UTP25: variants seen among roughly 807,000 people sequenced by gnomAD.
UTP25 encodes the protein U3 small nucleolar RNA-associated protein 25 homolog.
UTP25 carries 50 observed loss-of-function variants against 78.9 expected under a neutral mutation model. The ratio of observed to expected loss-of-function variants is 0.63; its 90% CI spans 0.50 to 0.80. The LOEUF is 0.80. UTP25 is among the 30% of genes least tolerant of loss of function. The pLI is 0.00. For synonymous variants in UTP25, 329 were observed against 336.5 expected, an observed-to-expected ratio of 0.98 and a Z score of 0.24; for missense variants, 846 against 911.3, an observed-to-expected ratio of 0.93 and a Z score of 0.92.
rs1209652216 is a variant in UTP25 at position 209,839,034 on chromosome 1, T to C, written c.1188T>C (p.Tyr396=). Residue 396 remains tyrosine, a synonymous_variant, in exon 7 of 12, where the codon TAT becomes TAC. Coordinates refer to ENST00000491415, the MANE Select transcript of UTP25 (RefSeq NM_014388.7). ...VSNKKRFQGE[Y]GSDPEERPPN... ...ACAAAAAGAGGTTTCAGGGAGAATA[T>C]GGATCAGATCCCGAGGAGAGACCAC... The C allele has an allele frequency of 3.7e-6, 6 of 1,613,968 alleles. No homozygotes were observed. The highest frequency in any genetic ancestry group is 5.1e-6 in the Non-Finnish European group (6 of 1,179,990).
chr1:209,833,488 G>C, intron 4 of UTP25, 130 bp downstream of exon 4: 1 of 770,540 alleles, frequency 1.3e-6, no homozygotes. Context: ...CTAGAGCTGG[G>C]AAAAATAATT....
intron 3 of UTP25, among the ~76,000 whole-genome samples, chr1:209,832,481 C>G (rs1037194576): frequency 1.3e-5 from 2 of 152,190 alleles, no homozygotes; most frequent in African/African-American, 4.8e-5. Context: ...AACATCCTCT[C>G]ATGTACATCT....
At position 209,835,178 on chromosome 1, in the gene UTP25, G is replaced by A. The variant is rs774035676; in HGVS notation, c.651+15G>A. ...ACGAGCTTAAAGTAAGTGTTGCTTG[G>A]TCATCCCGGTCACAAATAGAGAAAG... On this transcript the variant is annotated intron_variant, in intron 5 of 11. Transcript: ENST00000491415. The A allele has an allele frequency of 6.8e-6, 11 of 1,607,200 alleles. No homozygotes were observed. Among genetic ancestry groups the A allele is most frequent in the African/African-American group, 1.3e-5 (1 of 74,740 alleles).
chr1:209,841,104 G>A (rs141456495), intron 8 of UTP25, 49 bp downstream of exon 8: 1 of 1,592,520 alleles, frequency 6.3e-7, no homozygotes, highest in Non-Finnish European at 8.6e-7. Flanking sequence ...TATTTAGAGG[G>A]ATAAGACACC....
In UTP25 at chr1:209,851,433, A is replaced by T; in HGVS notation, c.2257A>T (p.Thr753Ser). The change falls in exon 12 of 12, where the codon ACT (threonine) becomes TCT (serine). Residue 753 changes from threonine to serine, a missense_variant. Transcript: ENST00000491415. ...CAACAAGAATGTCCACCTCTTCATT[A>T]CTGGAGAAAAATGAAATTTTGTTGG... ...QSNKNVHLFITGEK is the reference protein window; with the variant it reads ...QSNKNVHLFISGEK 1 of 1,603,646 alleles carries T rather than the reference A, an allele frequency of 6.2e-7. No homozygotes were observed. The highest frequency in any genetic ancestry group is 8.5e-7 in the Non-Finnish European group (1 of 1,175,068).
At chr1:209,849,588 T>C (rs1162917636) in intron 11 of UTP25, among the ~76,000 whole-genome samples, 1 of 152,132 alleles carries the variant, frequency 6.6e-6, no homozygotes, top group Non-Finnish European at 1.5e-5. Flanking sequence ...ATAATGGGCC[T>C]GGGAAGTAGG....
At position 209,830,991 on chromosome 1, in the gene UTP25, C is replaced by T. The variant is rs375677317; in HGVS notation, c.336C>T (p.Ser112=). 372 of 1,613,882 alleles carry T rather than the reference C, an allele frequency of 2.3e-4. 1 individual carries two copies. Among genetic ancestry groups the T allele is most frequent in the Non-Finnish European group, 2.9e-4 (346 of 1,179,972 alleles). ...AAATGAACGATGAAGATGGTGGTAG[C>T]GATGTCAGTGTGGAAGAAGAGATGG... ...DAEMNDEDGG[S]DVSVEEEMAA... Residue 112 remains serine, a synonymous_variant, in exon 3 of 12, where the codon AGC becomes AGT. Transcript: ENST00000491415.
Position 209,830,952 on chromosome 1 carries a change from T to C in UTP25, c.297T>C (p.Ile99=). The C allele has an allele frequency of 1.2e-6, 2 of 1,613,872 alleles. No individual in the cohort carries two copies. Among genetic ancestry groups the C allele is most frequent in the Non-Finnish European group, 1.7e-6 (2 of 1,179,786 alleles). ...AGGAGGAAGAGGAAGAAGACAGTAT[T>C]GTAGATGATGCAGAAATGAACGATG... is the stretch of plus-strand genomic sequence containing the variant. ...DEEEEEEEDS[I]VDDAEMNDED... is the part of the protein sequence containing the mutation. Residue 99 remains isoleucine (I), a synonymous_variant, in exon 3 of 12, where the codon ATT becomes ATC. Coordinates refer to ENST00000491415, the MANE Select transcript of UTP25 (RefSeq NM_014388.7).
Position 209,839,139 on chromosome 1 carries a change from C to G in UTP25, c.1282+11C>G, listed in dbSNP as rs2078152253. The stretch of plus-strand genomic sequence containing the variant: ...ACCACTTCAGGATTGGTAATTCTTC[C>G]TTATCAACTTTGAGACCTAAAGTGT... On this transcript the variant is annotated intron_variant, in intron 7 of 11. Transcript: ENST00000491415. The G allele has an allele frequency of 6.3e-7, 1 of 1,593,652 alleles. No individual in the cohort carries two copies. Among genetic ancestry groups the G allele is most frequent in the South Asian group, 1.1e-5 (1 of 88,856 alleles).
In UTP25 at chr1:209,855,800, T is replaced by G. The variant is rs2078271360; in HGVS notation, c.*4353T>G. 1 of 152,310 alleles carries G rather than the reference T, an allele frequency of 6.6e-6. No individual in the cohort carries two copies. Among genetic ancestry groups the G allele is most frequent in the Non-Finnish European group, 1.5e-5 (1 of 68,158 alleles). 9.4% of individuals were successfully genotyped at this position (152,310 alleles called of 1,614,324 possible). A position where few individuals can be genotyped will look rare whatever the true frequency, so the allele number is the denominator to read the frequency against. ...GGAGGCAGTCTGCCGCTTGGCTGAT[T>G]TAGGAGTTGTGCTGAATTCCTGCCC... is the stretch of plus-strand genomic sequence containing the variant. On this transcript the variant is annotated 3_prime_UTR_variant, in exon 12 of 12. Coordinates refer to ENST00000491415, the MANE Select transcript of UTP25 (RefSeq NM_014388.7).
rs908615220 is a variant in UTP25 at position 209,855,466 on chromosome 1, A to G, written c.*4019A>G. On this transcript the variant is annotated 3_prime_UTR_variant, in exon 12 of 12. Coordinates refer to ENST00000491415, the MANE Select transcript of UTP25 (RefSeq NM_014388.7). Reference sequence around the variant, plus strand: ...AGAGCTCCAGGCCTTTTTCAAACAAACTGGTTTTCTCAGTATAGCCCTATG... The same window carrying G: ...AGAGCTCCAGGCCTTTTTCAAACAAGCTGGTTTTCTCAGTATAGCCCTATG... 3 of 152,208 alleles carry G rather than the reference A, an allele frequency of 2.0e-5. No individual in the cohort carries two copies. Among genetic ancestry groups the G allele is most frequent in the Admixed American group, 6.5e-5 (1 of 15,282 alleles). The allele number at this position is 152,208 out of a possible 1,614,324, so 9.4% of individuals were successfully genotyped here.
chr1:209,835,088 A>G lies in UTP25; in HGVS notation c.576A>G (p.Gln192=). ...SLKASQDPFL[Q]HVNKELKEKA... Reference sequence around the variant, plus strand: ...TTTCTGAATTAGATCCATTTCTTCAACATGTGAACAAAGAACTGAAAGAAA... The same window carrying G: ...TTTCTGAATTAGATCCATTTCTTCAGCATGTGAACAAAGAACTGAAAGAAA... Residue 192 remains glutamine (Q), a synonymous_variant, in exon 5 of 12, where the codon CAA becomes CAG. Coordinates refer to ENST00000491415, the MANE Select transcript of UTP25 (RefSeq NM_014388.7). 6.2e-7 allele frequency: 1 copy of G among 1,613,310 alleles called. No homozygotes were observed. The highest frequency in any genetic ancestry group is 8.5e-7 in the Non-Finnish European group (1 of 1,179,436).
chr1:209,831,576 C>G (rs1028078198), intron 3 of UTP25, among the ~76,000 whole-genome samples: 2 of 152,140 alleles, frequency 1.3e-5, no homozygotes, highest in African/African-American at 2.4e-5. Flanking sequence ...TCAAAATCAC[C>G]TTCATTGAGG....
Position 209,837,066 on chromosome 1 carries a change from T to A in UTP25, c.917T>A (p.Ile306Asn), listed in dbSNP as rs775081069. 6.2e-7 allele frequency: 1 copy of A among 1,614,106 alleles called. No individual in the cohort carries two copies. Among genetic ancestry groups the A allele is most frequent in the Non-Finnish European group, 8.5e-7 (1 of 1,180,014 alleles). Residue 306 changes from isoleucine to asparagine, a missense_variant, in exon 6 of 12, where the codon ATC becomes AAC. By Grantham distance (149) the Ile-to-Asn change is moderately radical. Transcript: ENST00000491415. ...ERTALKNGEEIRHVYCLHVIN... is the reference protein window; with the variant it reads ...ERTALKNGEENRHVYCLHVIN... The stretch of plus-strand genomic sequence containing the variant: ...ACTGCTCTGAAGAACGGGGAAGAGA[T>A]CCGCCATGTGTATTGCCTGCATGTG...
rs565509498 is a variant in UTP25 at position 209,856,355 on chromosome 1, G to A, written c.*4908G>A. On this transcript the variant is annotated 3_prime_UTR_variant, in exon 12 of 12. Coordinates refer to ENST00000491415, the MANE Select transcript of UTP25 (RefSeq NM_014388.7). ...GCAGTAAAATGTGGCCCATGAGACA[G>A]AAGCACTAACTACTGAGCAGGACTT... The A allele has an allele frequency of 2.0e-5, 3 of 152,358 alleles. No individual in the cohort carries two copies. The highest frequency in any genetic ancestry group is 7.2e-5 in the African/African-American group (3 of 41,578). The allele number at this position is 152,358 out of a possible 1,614,324, so 9.4% of individuals were successfully genotyped here.
chr1:209,841,113 C>A, intron 8 of UTP25, 58 bp downstream of exon 8: 3 of 1,575,652 alleles, frequency 1.9e-6, no homozygotes, highest in Non-Finnish European at 2.6e-6. Flanking sequence ...GGATAAGACA[C>A]CCAGTGGTTT....
intron 11 of UTP25, among the ~76,000 whole-genome samples, chr1:209,848,505 G>A (rs1391500885): frequency 6.6e-6 from 1 of 152,004 alleles, no homozygotes. Flanking sequence ...ATAATAATAC[G>A]CAAAACATCC....
chr1:209,829,493 C>T (rs581733), intron 1 of UTP25, among the ~76,000 whole-genome samples: 57,907 of 128,512 alleles, frequency 0.45, 11,901 homozygotes, highest in Middle Eastern at 0.48. Context: ...TTTCTTTTTT[C>T]TTTTTTTTGA....
intron 3 of UTP25, among the ~76,000 whole-genome samples, chr1:209,832,090 T>A (rs989575116): frequency 6.6e-6 from 1 of 151,972 alleles, no homozygotes; most frequent in African/African-American, 2.4e-5. Flanking sequence ...CTTAGGAGTT[T>A]GTTTTGTTTG....
Sources: gnomAD v4.1 joint callset for allele counts (sites outside exome capture counted in the v4.1 genomes callset) on GRCh38, gnomAD v4.1.1 for gene constraint, MANE v1.5 for transcripts, NCBI Gene and HGNC (gene_info 2026-07-23, HGNC 2026-07-21) for gene names.